WIPF3: variants seen among roughly 807,000 people sequenced by gnomAD.
WIPF3 encodes WAS/WASL interacting protein family member 3, also known as WAS/WASL-interacting protein family member 3.
Under a neutral mutation model 38.9 loss-of-function variants are expected in WIPF3, and 33 were observed. The observed-to-expected ratio is 0.85, with a 90% CI of 0.64 to 1.14. The LOEUF (loss-of-function observed/expected upper bound fraction) is 1.14. Ranked by LOEUF, WIPF3 falls within the 50% of genes most tolerant of loss-of-function variation. The pLI is 0.00. For synonymous variants in WIPF3, 324 were observed against 269.3 expected, an observed-to-expected ratio of 1.20 and a Z score of -1.99; for missense variants, 711 against 652.5, an observed-to-expected ratio of 1.09 and a Z score of -0.98.
intron 2 of WIPF3, among the ~76,000 whole-genome samples, chr7:29,858,528 C>A (rs929377023): frequency 6.6e-6 from 1 of 152,214 alleles, no homozygotes; most frequent in African/African-American, 2.4e-5. Flanking sequence ...AATACACCCC[C>A]CTTATTCTGT....
At chr7:29,813,397 G>T (rs1784410384) in intron 1 of WIPF3, among the ~76,000 whole-genome samples, 1 of 152,104 alleles carries the variant, frequency 6.6e-6, no homozygotes, top group Non-Finnish European at 1.5e-5. Flanking sequence ...GCCTGGCATT[G>T]TGAGCTTCCT....
intron 2 of WIPF3, among the ~76,000 whole-genome samples, chr7:29,856,225 A>G (rs969647698): frequency 7.9e-5 from 12 of 151,988 alleles, no homozygotes; most frequent in South Asian, 2.1e-4. Flanking sequence ...TCTATTCCCT[A>G]TTGTATATCT....
intron 6 of WIPF3, among the ~76,000 whole-genome samples, chr7:29,888,496 TGTGC>T (rs1583621255): frequency 1.0e-4 from 4 of 38,390 alleles, no homozygotes; most frequent in African/African-American, 1.9e-4. Context: ...TGTGTGTGCG[TGTGC>T]GTGTGTGTGC....
rs1417880004 is a variant in WIPF3, at chr7:29,887,530, A to C, written c.1100-538A>C. 3.3e-5 allele frequency among the ~76,000 whole-genome samples: 5 copies of C among 152,238 alleles called. No individual in the cohort carries two copies. In the East Asian group the frequency reaches 9.6e-4, roughly 29 times the overall value. ...AGGCCCTGGAGGGCACGTAAGATTT[A>C]GGTGGACCGGAAAGAGAAACAAGCA... On this transcript the variant is annotated intron_variant, in intron 5 of 8. Transcript: ENST00000242140.
intron 7 of WIPF3, among the ~76,000 whole-genome samples, chr7:29,901,825 CAAAAAAAA>C (rs869296187): frequency 8.5e-5 from 7 of 82,594 alleles, no homozygotes; most frequent in African/African-American, 2.9e-4. Context: ...GTCCCTGTCT[CAAAAAAAA>C]AAAAAAAAAA....
At chr7:29,911,389 T>C (rs899558985) in intron 8 of WIPF3, among the ~76,000 whole-genome samples, 12 of 152,052 alleles carry the variant, frequency 7.9e-5, no homozygotes, top group African/African-American at 2.9e-4. Flanking sequence ...GACATTTTCT[T>C]CAGAAATAGA....
intron 7 of WIPF3, among the ~76,000 whole-genome samples, chr7:29,890,763 G>A (rs1785992245): frequency 1.4e-5 from 2 of 146,270 alleles, no homozygotes; most frequent in Non-Finnish European, 3.0e-5. Context: ...GGGGGCTCAG[G>A]CCTGCCCTGT....
At chr7:29,863,931 T>C (rs1785343773) in intron 2 of WIPF3, among the ~76,000 whole-genome samples, 1 of 152,218 alleles carries the variant, frequency 6.6e-6, no homozygotes, top group Non-Finnish European at 1.5e-5. Context: ...AATTGACTTA[T>C]CAGTTCTATG....
At chr7:29,821,796 G>T (rs115999041) in intron 1 of WIPF3, among the ~76,000 whole-genome samples, 1 of 151,938 alleles carries the variant, frequency 6.6e-6, no homozygotes, top group African/African-American at 2.4e-5. Flanking sequence ...ATTTCATTCT[G>T]CTCATTTTTC....
At chr7:29,845,466 G>A (rs174937) in intron 2 of WIPF3, among the ~76,000 whole-genome samples, 79,768 of 152,096 alleles carry the variant, frequency 0.52, 22,603 homozygotes, top group East Asian at 0.79. Context: ...GCATGACATT[G>A]GTCACTGCTT....
chr7:29,873,788 A>G (rs1785538700), intron 2 of WIPF3, among the ~76,000 whole-genome samples: 1 of 152,190 alleles, frequency 6.6e-6, no homozygotes. Context: ...ATGCCCTTCA[A>G]AACCTGCATA....
At chr7:29,815,452 G>T (rs1651283228) in intron 1 of WIPF3, among the ~76,000 whole-genome samples, 1 of 152,128 alleles carries the variant, frequency 6.6e-6, no homozygotes, top group Non-Finnish European at 1.5e-5. Flanking sequence ...GTCCTTCCTG[G>T]CATGCATGGA....
chr7:29,817,238 G>A (rs1784469931), intron 1 of WIPF3, among the ~76,000 whole-genome samples: 1 of 152,042 alleles, frequency 6.6e-6, no homozygotes, highest in African/African-American at 2.4e-5. Flanking sequence ...AGATAAAACA[G>A]CCATTTTACT....
chr7:29,869,696 ATTTATTCTTATATT>A (rs1221798449), intron 2 of WIPF3, among the ~76,000 whole-genome samples: 6 of 152,020 alleles, frequency 3.9e-5, no homozygotes, highest in African/African-American at 1.5e-4. Context: ...CATCCCTAAC[ATTTATTCTTATATT>A]TTTCTGATTA....
intron 8 of WIPF3, among the ~76,000 whole-genome samples, chr7:29,908,560 T>C (rs1001871419): frequency 6.6e-6 from 1 of 152,152 alleles, no homozygotes; most frequent in Non-Finnish European, 1.5e-5. Flanking sequence ...ACATGAGACA[T>C]TTTCCAGGAG....
At chr7:29,829,296 T>G (rs1784678991) in intron 1 of WIPF3, among the ~76,000 whole-genome samples, 2 of 137,898 alleles carry the variant, frequency 1.5e-5, no homozygotes, top group South Asian at 4.9e-4. Context: ...CACTGCAACC[T>G]CCGCCTCCCA....
At chr7:29,822,338 T>C (rs977920501) in intron 1 of WIPF3, among the ~76,000 whole-genome samples, 2 of 152,270 alleles carry the variant, frequency 1.3e-5, no homozygotes, top group Admixed American at 6.5e-5. Context: ...ATAAGACTCA[T>C]TGAAATGCAC....
At chr7:29,856,856 C>T (rs1196341057) in intron 2 of WIPF3, among the ~76,000 whole-genome samples, 2 of 152,072 alleles carry the variant, frequency 1.3e-5, no homozygotes, top group South Asian at 2.1e-4. Flanking sequence ...TATTTTTTCA[C>T]TCTTGTCATA....
intron 1 of WIPF3, among the ~76,000 whole-genome samples, chr7:29,834,168 A>AGG (rs1784762841): frequency 1.3e-5 from 2 of 152,168 alleles, no homozygotes; most frequent in African/African-American, 4.8e-5. Flanking sequence ...GAAAATGACT[A>AGG]GCGCCCTAAG....
Sources: gnomAD v4.1 joint callset for allele counts (sites outside exome capture counted in the v4.1 genomes callset) on GRCh38, gnomAD v4.1.1 for gene constraint, MANE v1.5 for transcripts, NCBI Gene and HGNC (gene_info 2026-07-23, HGNC 2026-07-21) for gene names.